Variants in GALNT11 observed in about 807,000 individuals in gnomAD.
GALNT11 encodes UDP-GalNAc:polypeptide N-acetylgalactosaminyltransferase 11.
GALNT11 carries 47 observed loss-of-function variants against 72.7 expected under a neutral mutation model. The ratio of observed to expected loss-of-function variants is 0.65; its 90% CI spans 0.51 to 0.82. The LOEUF is 0.82. Ranked by LOEUF, GALNT11 falls within the 40% of genes least tolerant of loss-of-function variation. The probability of loss-of-function intolerance (pLI) is 0.00; values close to 1 mark genes in which losing one functional copy is unlikely to be tolerated. For synonymous variants in GALNT11, 270 were observed against 286.6 expected, an observed-to-expected ratio of 0.94 and a Z score of 0.58; for missense variants, 677 against 778.4, an observed-to-expected ratio of 0.87 and a Z score of 1.55.
In GALNT11 at chr7:152,121,691, G is replaced by GC. The variant is rs751775112; in HGVS notation, c.*14_*15insC. 67 of 1,610,148 alleles carry GC rather than the reference G, an allele frequency of 4.2e-5. No homozygotes were observed. Among genetic ancestry groups the GC allele is most frequent in the Non-Finnish European group, 5.6e-5 (66 of 1,177,698 alleles). On this transcript the variant is annotated 3_prime_UTR_variant, in exon 12 of 12. Transcript: ENST00000430044. Reference sequence around the variant, plus strand: ...TTGGAAGGTTAAGGTGGATGCTGTGGTGGGAACGTTGCTTCATCAGGCGTT... The same window carrying GC: ...TTGGAAGGTTAAGGTGGATGCTGTGGCTGGGAACGTTGCTTCATCAGGCGTT...
chr7:152,044,909 C>A (rs945743424), intron 1 of GALNT11, among the ~76,000 whole-genome samples: 2 of 151,750 alleles, frequency 1.3e-5, no homozygotes, highest in African/African-American at 4.8e-5. Flanking sequence ...CAGTATGATA[C>A]TAACTGTGGG....
At chr7:152,103,388 A>C in intron 4 of GALNT11, 110 bp downstream of exon 4, 2 of 1,078,482 alleles carry the variant, frequency 1.9e-6, no homozygotes, top group Non-Finnish European at 2.7e-6. Flanking sequence ...GGGATCCTAC[A>C]CGTGCAGTCA....
In GALNT11 at chr7:152,108,258, A is replaced by T. The variant is rs1366718103; in HGVS notation, c.933A>T (p.Gly311=). The change falls in exon 6 of 12, where the codon GGA becomes GGT. Residue 311 remains glycine, a synonymous_variant. Coordinates refer to ENST00000430044, the MANE Select transcript of GALNT11 (RefSeq NM_022087.4). The part of the protein sequence containing the change: ...KWDLVPLSEL[G]RAEGATAPIK... ...ATCTTGTCCCCCTTTCTGAGCTAGG[A>T]CGAGCGGAGGGAGCCACTGCACCAA... The T allele has an allele frequency of 6.2e-7, 1 of 1,613,132 alleles. No individual in the cohort carries two copies. Among genetic ancestry groups the T allele is most frequent in the Non-Finnish European group, 8.5e-7 (1 of 1,179,234 alleles).
intron 1 of GALNT11, among the ~76,000 whole-genome samples, chr7:152,057,705 A>G (rs2083765644): frequency 6.6e-6 from 1 of 152,128 alleles, no homozygotes; most frequent in Non-Finnish European, 1.5e-5. Context: ...GATTTACAGA[A>G]TATTGTGAAG....
chr7:152,043,254 C>T (rs1397792269), intron 1 of GALNT11, among the ~76,000 whole-genome samples: 1 of 152,186 alleles, frequency 6.6e-6, no homozygotes, highest in Non-Finnish European at 1.5e-5. Flanking sequence ...TTAAACTAGA[C>T]CTGCCTAGAA....
intron 2 of GALNT11, among the ~76,000 whole-genome samples, chr7:152,097,045 C>T (rs2086437100): frequency 6.6e-6 from 1 of 152,184 alleles, no homozygotes; most frequent in Non-Finnish European, 1.5e-5. Context: ...CCAAGCTGGT[C>T]TCAAACTCCT....
chr7:152,031,804 C>T (rs1027645755), intron 1 of GALNT11, among the ~76,000 whole-genome samples: 1 of 152,158 alleles, frequency 6.6e-6, no homozygotes, highest in Non-Finnish European at 1.5e-5. Flanking sequence ...GCCTCTGGTT[C>T]CCATTCTACT....
At chr7:152,082,622 A>C (rs1268874527) in intron 1 of GALNT11, among the ~76,000 whole-genome samples, 1 of 152,222 alleles carries the variant, frequency 6.6e-6, no homozygotes, top group Non-Finnish European at 1.5e-5. Context: ...CATAAAGTAC[A>C]TTGATTTCTT....
intron 1 of GALNT11, among the ~76,000 whole-genome samples, chr7:152,078,315 C>G (rs1253954969): frequency 6.6e-6 from 1 of 152,106 alleles, no homozygotes; most frequent in African/African-American, 2.4e-5. Flanking sequence ...GATTCTTCTG[C>G]CTCAGCCTCC....
At chr7:152,072,808 C>T (rs1034090264) in intron 1 of GALNT11, among the ~76,000 whole-genome samples, 2 of 152,196 alleles carry the variant, frequency 1.3e-5, no homozygotes, top group African/African-American at 2.4e-5. Flanking sequence ...GGACCTCATG[C>T]GTAAAGGATA....
chr7:152,109,846 T>C (rs1004910061), intron 6 of GALNT11, among the ~76,000 whole-genome samples: 3 of 152,188 alleles, frequency 2.0e-5, no homozygotes, highest in African/African-American at 7.2e-5. Context: ...TTTTAGGAAG[T>C]GAGCGGACTG....
chr7:152,043,142 C>T (rs1035570445), intron 1 of GALNT11, among the ~76,000 whole-genome samples: 2 of 152,196 alleles, frequency 1.3e-5, no homozygotes, highest in African/African-American at 4.8e-5. Flanking sequence ...ATATGGTCTC[C>T]AGGCTTTGCT....
At chr7:152,028,768 G>A (rs1442417658) in intron 1 of GALNT11, among the ~76,000 whole-genome samples, 3 of 152,158 alleles carry the variant, frequency 2.0e-5, no homozygotes, top group Non-Finnish European at 2.9e-5. Context: ...GGGTGAAGAA[G>A]GGGCCCTGCA....
intron 1 of GALNT11, among the ~76,000 whole-genome samples, chr7:152,089,475 T>C (rs1425275231): frequency 6.6e-6 from 1 of 152,264 alleles, no homozygotes; most frequent in Non-Finnish European, 1.5e-5. Context: ...TCCCTTATGC[T>C]GTTTGTTCCT....
intron 2 of GALNT11, among the ~76,000 whole-genome samples, chr7:152,097,019 G>A (rs1436634139): frequency 6.6e-6 from 1 of 152,130 alleles, no homozygotes; most frequent in East Asian, 1.9e-4. Context: ...GTAGAGACAA[G>A]GTTTCACCAT....
At chr7:152,118,617 C>T in intron 9 of GALNT11, 61 bp from the exon 10 acceptor site, 1 of 1,496,694 alleles carries the variant, frequency 6.7e-7, no homozygotes, top group Non-Finnish European at 9.1e-7. Flanking sequence ...GAACCACCTC[C>T]AGGCTTGGGA....
chr7:152,031,823 A>G (rs1376452222), intron 1 of GALNT11, among the ~76,000 whole-genome samples: 1 of 152,094 alleles, frequency 6.6e-6, no homozygotes, highest in Non-Finnish European at 1.5e-5. Context: ...CTAGATGAGT[A>G]TTTGCCCTCT....
At chr7:152,107,441 A>T (rs374552559) in intron 5 of GALNT11, 1 of 151,764 alleles carries the variant, frequency 6.6e-6, no homozygotes, top group East Asian at 1.9e-4. Flanking sequence ...AATGAGCAAG[A>T]GGCGTCCCCG....
At chr7:152,027,322 T>C (rs1045160073) in intron 1 of GALNT11, among the ~76,000 whole-genome samples, 4 of 152,242 alleles carry the variant, frequency 2.6e-5, no homozygotes, top group African/African-American at 9.6e-5. Flanking sequence ...ATATTTGATA[T>C]GGCATAGAAT....
Sources: gnomAD v4.1 joint callset for allele counts (sites outside exome capture counted in the v4.1 genomes callset) on GRCh38, gnomAD v4.1.1 for gene constraint, MANE v1.5 for transcripts, NCBI Gene and HGNC (gene_info 2026-07-23, HGNC 2026-07-21) for gene names.